Variants in ZC3H12B observed in about 807,000 individuals in gnomAD.
ZC3H12B encodes the protein probable ribonuclease ZC3H12B.
ZC3H12B carries 7 observed loss-of-function variants against 43.9 expected under a neutral mutation model. The ratio of observed to expected loss-of-function variants is 0.16; its 90% CI spans 0.09 to 0.30. The LOEUF (loss-of-function observed/expected upper bound fraction) is 0.30, where lower values mean the gene tolerates loss of function less well. ZC3H12B is among the 10% of genes least tolerant of loss of function. The pLI is 1.00. For synonymous variants in ZC3H12B, 222 were observed against 241.7 expected (o/e 0.92, Z 0.76); for missense variants, 475 against 670.2 (o/e 0.71, Z 3.22).
the ZC3H12B span, among the ~76,000 whole-genome samples, chrX:65,278,457 T>A: frequency 8.9e-6 from 1 of 111,825 alleles, no homozygotes; most frequent in African/African-American, 3.2e-5. Context: ...ATAAGTATCC[T>A]TAGTTGAGCA....
chrX:65,157,985 A>G, the ZC3H12B span, among the ~76,000 whole-genome samples: 3 of 88,414 alleles, frequency 3.4e-5, no homozygotes, highest in African/African-American at 1.2e-4. Flanking sequence ...ATGTGTTCTC[A>G]TTGTTCAATT....
At chrX:65,251,119 G>C in the ZC3H12B span, among the ~76,000 whole-genome samples, 1 of 111,868 alleles carries the variant, frequency 8.9e-6, no homozygotes, top group African/African-American at 3.3e-5. Context: ...TTAGTATAAG[G>C]TGTAAGGAAG....
the ZC3H12B span, among the ~76,000 whole-genome samples, chrX:65,085,850 C>T: frequency 1.4e-4 from 16 of 111,276 alleles, no homozygotes; most frequent in East Asian, 4.2e-3. Context: ...TTTAAAACTA[C>T]CATTTGAGAG....
chrX:65,212,621 A>C, the ZC3H12B span, among the ~76,000 whole-genome samples: 101 of 83,969 alleles, frequency 1.2e-3, 1 homozygote, highest in African/African-American at 4.3e-3. Context: ...TATGATATAT[A>C]ATATATATAA....
chrX:65,385,772 G>A (rs2066515312), intron 2 of ZC3H12B, among the ~76,000 whole-genome samples: 1 of 111,849 alleles, frequency 8.9e-6, no homozygotes, highest in Admixed American at 9.5e-5. Flanking sequence ...TATGACATTG[G>A]CTGTCGGTTT....
intron 3 of ZC3H12B, among the ~76,000 whole-genome samples, chrX:65,419,201 G>A (rs184262156): frequency 1.9e-3 from 210 of 111,747 alleles, no homozygotes; most frequent in Non-Finnish European, 2.9e-3. Context: ...TCAGTTCCCT[G>A]GCCTGTGGAA....
At chrX:65,311,601 C>G in the ZC3H12B span, among the ~76,000 whole-genome samples, 2 of 111,664 alleles carry the variant, frequency 1.8e-5, no homozygotes, top group African/African-American at 6.5e-5. Flanking sequence ...CCTCAAGGAT[C>G]TAGAACTAGA....
the ZC3H12B span, among the ~76,000 whole-genome samples, chrX:65,134,288 A>G: frequency 9.0e-6 from 1 of 111,004 alleles, no homozygotes; most frequent in South Asian, 4.0e-4. Flanking sequence ...ACGTGGGTGA[A>G]TGACCAAGGC....
At chrX:65,211,055 A>C in the ZC3H12B span, among the ~76,000 whole-genome samples, 1 of 80,601 alleles carries the variant, frequency 1.2e-5, no homozygotes, top group Admixed American at 1.3e-4. Context: ...ATGTACCCTA[A>C]AACTTAGAGT....
At chrX:65,350,424 G>T in the ZC3H12B span, among the ~76,000 whole-genome samples, 1 of 111,721 alleles carries the variant, frequency 9.0e-6, no homozygotes, top group Admixed American at 9.5e-5. Context: ...CAAAAGACAA[G>T]GATGCTCTCT....
chrX:65,395,413 T>G (rs1209521960), intron 2 of ZC3H12B, among the ~76,000 whole-genome samples: 1 of 112,279 alleles, frequency 8.9e-6, no homozygotes, highest in Non-Finnish European at 1.9e-5. Flanking sequence ...GTTTTTAGCA[T>G]GAAGGGCTGT....
At chrX:65,230,961 GATA>G in the ZC3H12B span, among the ~76,000 whole-genome samples, 3 of 112,109 alleles carry the variant, frequency 2.7e-5, no homozygotes, top group East Asian at 5.6e-4. Context: ...ACCTATTTGA[GATA>G]ATAACTTTAA....
the ZC3H12B span, among the ~76,000 whole-genome samples, chrX:65,221,991 A>G: frequency 8.9e-5 from 10 of 111,775 alleles, no homozygotes; most frequent in South Asian, 3.3e-3. Flanking sequence ...TACCAAAAAG[A>G]TAATCCACCA....
the ZC3H12B span, among the ~76,000 whole-genome samples, chrX:65,284,321 T>A: frequency 7.5e-5 from 8 of 106,510 alleles, no homozygotes; most frequent in African/African-American, 2.8e-4. Context: ...AATTCTCCAG[T>A]AATAGATCTT....
At chrX:65,488,269 C>A (rs2068155419), upstream of ZC3H12B, among the ~76,000 whole-genome samples, 1 of 110,048 alleles carries the variant, frequency 9.1e-6, no homozygotes, top group Non-Finnish European at 1.9e-5. Flanking sequence ...GAGAGTCTTT[C>A]CATGGAAATA....
the ZC3H12B span, among the ~76,000 whole-genome samples, chrX:65,225,492 T>C: frequency 6.2e-5 from 7 of 112,520 alleles, no homozygotes; most frequent in Admixed American, 2.8e-4. Context: ...AGGAACGCAG[T>C]TCCTCACCAG....
intron 3 of ZC3H12B, among the ~76,000 whole-genome samples, chrX:65,407,120 G>C (rs111754100): frequency 1.8e-5 from 2 of 113,116 alleles, no homozygotes; most frequent in Admixed American, 1.8e-4. Flanking sequence ...AGGAAGAAAA[G>C]AAAGAAGACC....
the ZC3H12B span, among the ~76,000 whole-genome samples, chrX:65,149,635 G>A: frequency 1.9e-5 from 2 of 108,034 alleles, no homozygotes; most frequent in Non-Finnish European, 3.8e-5. Context: ...ATGATGGCGG[G>A]CACCTGTATT....
At chrX:65,278,556 C>T in the ZC3H12B span, among the ~76,000 whole-genome samples, 3 of 111,550 alleles carry the variant, frequency 2.7e-5, no homozygotes, top group Admixed American at 1.9e-4. Flanking sequence ...AATAATTGAA[C>T]TAAGATGAAA....
Sources: allele counts gnomAD v4.1 joint callset (sites outside exome capture counted in the v4.1 genomes callset), GRCh38; gene constraint gnomAD v4.1.1; transcripts MANE v1.5; gene names NCBI Gene and HGNC (gene_info 2026-07-23, HGNC 2026-07-21).